Variants in CTNNA3 observed in about 807,000 individuals in gnomAD.
The protein encoded by CTNNA3 is catenin alpha 3.
A neutral mutation model predicts 95.7 loss-of-function variants in CTNNA3; 76 were observed. That is an observed-to-expected ratio of 0.79 (90% CI 0.66 to 0.96). The LOEUF (loss-of-function observed/expected upper bound fraction) is 0.96. Ranked by LOEUF, CTNNA3 falls within the 40% of genes least tolerant of loss-of-function variation. The pLI is 0.00. For synonymous variants in CTNNA3, 431 were observed against 374.4 expected, an observed-to-expected ratio of 1.15 and a Z score of -1.74; for missense variants, 1,191 against 1,089.8, an observed-to-expected ratio of 1.09 and a Z score of -1.31.
intron 5 of CTNNA3, among the ~76,000 whole-genome samples, chr10:67,389,042 T>A (rs1284332271): frequency 6.8e-6 from 1 of 147,732 alleles, no homozygotes; most frequent in Non-Finnish European, 1.5e-5. Flanking sequence ...AATGACAGGA[T>A]CAAATTCACA....
chr10:66,429,207 G>A (rs553269590), intron 11 of CTNNA3, among the ~76,000 whole-genome samples: 13 of 152,116 alleles, frequency 8.5e-5, no homozygotes, highest in Non-Finnish European at 1.6e-4. Context: ...AAACCAGGAA[G>A]AAGTTGAATC....
chr10:67,556,561 T>A (rs897596938), intron 3 of CTNNA3, among the ~76,000 whole-genome samples: 30 of 152,252 alleles, frequency 2.0e-4, no homozygotes, highest in African/African-American at 6.5e-4. Context: ...TATAGTATTC[T>A]CTGATGGTAC....
intron 7 of CTNNA3, among the ~76,000 whole-genome samples, chr10:66,893,754 C>G (rs946153002): frequency 2.0e-5 from 3 of 152,108 alleles, no homozygotes; most frequent in African/African-American, 7.2e-5. Context: ...ATGAAATACT[C>G]AAATTATTCT....
chr10:66,946,224 A>G (rs909799117), intron 7 of CTNNA3, among the ~76,000 whole-genome samples: 1 of 152,120 alleles, frequency 6.6e-6, no homozygotes, highest in Non-Finnish European at 1.5e-5. Context: ...TCTGTGAGAA[A>G]ATAGAGAGGG....
At chr10:66,050,616 TAA>T (rs1346337615) in intron 15 of CTNNA3, among the ~76,000 whole-genome samples, 1 of 152,088 alleles carries the variant, frequency 6.6e-6, no homozygotes, top group Non-Finnish European at 1.5e-5. Flanking sequence ...TTTATAATAT[TAA>T]GTTTTGATTC....
intron 13 of CTNNA3, among the ~76,000 whole-genome samples, chr10:66,172,235 T>C (rs915542404): frequency 6.6e-6 from 1 of 152,122 alleles, no homozygotes; most frequent in African/African-American, 2.4e-5. Context: ...GTGAAAGATA[T>C]GATTAAAAAT....
rs553377037 is a variant in CTNNA3, at chr10:67,347,064, ATTT to A, written c.580-127197_580-127195del. Among the ~76,000 whole-genome samples the A allele has an allele frequency of 2.0e-3, 291 of 144,348 alleles. 2 individuals are homozygous for A. The highest frequency in any genetic ancestry group is 7.1e-3 in the African/African-American group (278 of 39,388). 94.7% of individuals were successfully genotyped at this position (144,348 alleles called of 152,430 possible). ...TCTACTTATAATAAGTAATCCTAGA[ATTT>A]TTTTTTTTTTTTGAGACAGGGTCTC... On this transcript the variant is annotated intron_variant, in intron 5 of 17. Coordinates refer to ENST00000433211, the MANE Select transcript of CTNNA3 (RefSeq NM_013266.4).
At chr10:67,062,198 CAG>C (rs3056607) in intron 7 of CTNNA3, among the ~76,000 whole-genome samples, 76,586 of 151,696 alleles carry the variant, frequency 0.5, 19,662 homozygotes, top group Middle Eastern at 0.64. Flanking sequence ...TTAAAACCCA[CAG>C]AGAGTAAATT....
chr10:65,979,108 C>T (rs1029625552), intron 16 of CTNNA3, among the ~76,000 whole-genome samples: 1 of 152,060 alleles, frequency 6.6e-6, no homozygotes, highest in Non-Finnish European at 1.5e-5. Context: ...TGTTAAAATC[C>T]TGTCATATTT....
chr10:66,128,415 AATAG>A (rs2082925314), intron 13 of CTNNA3, among the ~76,000 whole-genome samples: 1 of 152,214 alleles, frequency 6.6e-6, no homozygotes, highest in Non-Finnish European at 1.5e-5. Context: ...TAGGTGAATA[AATAG>A]ATATACTGTG....
intron 13 of CTNNA3, among the ~76,000 whole-genome samples, chr10:66,268,475 C>T (rs1332929564): frequency 6.6e-6 from 1 of 152,160 alleles, no homozygotes; most frequent in Admixed American, 6.6e-5. Context: ...TAAATGTCAC[C>T]TTCCTCAGTC....
chr10:66,747,257 C>T (rs1196507354), intron 9 of CTNNA3, among the ~76,000 whole-genome samples: 1 of 152,130 alleles, frequency 6.6e-6, no homozygotes, highest in Non-Finnish European at 1.5e-5. Context: ...ATAGAAAAGG[C>T]ACTCAGTCTG....
chr10:66,258,561 G>A (rs2132092240), intron 13 of CTNNA3, among the ~76,000 whole-genome samples: 1 of 152,262 alleles, frequency 6.6e-6, no homozygotes. Context: ...CTCAGTCCCA[G>A]CCTTAGCCCT....
chr10:66,162,619 G>T (rs2084911490), intron 13 of CTNNA3, among the ~76,000 whole-genome samples: 1 of 152,222 alleles, frequency 6.6e-6, no homozygotes, highest in Middle Eastern at 3.4e-3. Flanking sequence ...GCTGGGTCGG[G>T]GGGTGCTATG....
chr10:66,059,558 T>C (rs2080154251), intron 15 of CTNNA3, among the ~76,000 whole-genome samples: 1 of 152,112 alleles, frequency 6.6e-6, no homozygotes, highest in Non-Finnish European at 1.5e-5. Flanking sequence ...TTCCTTTATA[T>C]CTTTTTCTTT....
At chr10:67,092,040 C>T (rs191817578) in intron 7 of CTNNA3, among the ~76,000 whole-genome samples, 13 of 151,694 alleles carry the variant, frequency 8.6e-5, no homozygotes, top group African/African-American at 1.5e-4. Flanking sequence ...TAAGAAAATA[C>T]GCCTCTGAAT....
intron 13 of CTNNA3, among the ~76,000 whole-genome samples, chr10:66,245,209 CT>C (rs889110964): frequency 6.6e-6 from 1 of 152,198 alleles, no homozygotes; most frequent in African/African-American, 2.4e-5. Flanking sequence ...GGTGCTGGCT[CT>C]CTGCAAGGCA....
Position 65,915,755 on chromosome 10 carries a change from A to C in CTNNA3, c.*4575T>G, listed in dbSNP as rs1002555733. ...TTTAGAGTGTCCAGAAATGGATTCTATCTTGTCTGTTAGGGGGAAAATATT... is the reference window on the plus strand; with the variant it reads ...TTTAGAGTGTCCAGAAATGGATTCTCTCTTGTCTGTTAGGGGGAAAATATT... On this transcript the variant is annotated 3_prime_UTR_variant, in exon 18 of 18. Transcript: ENST00000433211. The C allele has an allele frequency of 6.6e-6, 1 of 152,136 alleles. No individual in the cohort carries two copies. Among genetic ancestry groups the C allele is most frequent in the Non-Finnish European group, 1.5e-5 (1 of 68,016 alleles). The allele number at this position is 152,136 out of a possible 1,614,324, so 9.4% of individuals were successfully genotyped here.
rs184474384 is a variant in CTNNA3 at position 66,807,384 on chromosome 10, G to A, written c.1048-31860C>T. The stretch of plus-strand genomic sequence containing the variant: ...AAGTGACGTATGTTGAAGCATGATT[G>A]GTGACTGTGCCAGCACGGCCTTTAC... On this transcript the variant is annotated intron_variant, in intron 7 of 17. Transcript: ENST00000433211. Among the ~76,000 whole-genome samples, 99 of 152,190 alleles carry A rather than the reference G, an allele frequency of 6.5e-4. 1 individual carries two copies. The East Asian group carries it at 0.017, about 26-fold the overall frequency.
Sources: gnomAD v4.1 joint callset for allele counts (sites outside exome capture counted in the v4.1 genomes callset) on GRCh38, gnomAD v4.1.1 for gene constraint, MANE v1.5 for transcripts, NCBI Gene and HGNC (gene_info 2026-07-23, HGNC 2026-07-21) for gene names.